Variants in SETD3 observed in about 807,000 individuals in gnomAD.
The protein encoded by SETD3 is actin-histidine N-methyltransferase.
In SETD3, 19 loss-of-function variants were observed where a neutral mutation model predicts 63.0. That is an observed-to-expected ratio of 0.30 (90% CI 0.21 to 0.44). The LOEUF is 0.44. SETD3 is among the 20% of genes least tolerant of loss of function. The pLI is 1.00. For synonymous variants in SETD3, 286 were observed against 264.1 expected (o/e 1.08, Z -0.80); for missense variants, 587 against 728.5 (o/e 0.81, Z 2.24).
intron 6 of SETD3, among the ~76,000 whole-genome samples, chr14:99,425,436 C>T (rs1298017992): frequency 6.6e-6 from 1 of 152,270 alleles, no homozygotes; most frequent in Non-Finnish European, 1.5e-5. Flanking sequence ...TGCCTGGCAT[C>T]TAGCCCTGCA....
intron 6 of SETD3, among the ~76,000 whole-genome samples, chr14:99,446,996 A>C (rs567621370): frequency 6.7e-6 from 1 of 149,638 alleles, no homozygotes; most frequent in African/African-American, 2.5e-5. Context: ...TTTTTGAGAC[A>C]GAGTCTCACT....
intron 1 of SETD3, among the ~76,000 whole-genome samples, chr14:99,479,207 G>A (rs925601378): frequency 2.0e-5 from 3 of 152,188 alleles, no homozygotes; most frequent in Non-Finnish European, 4.4e-5. Flanking sequence ...ACAGGAAAGG[G>A]GTAGCAGAAG....
chr14:99,427,669 C>T (rs184307897), intron 6 of SETD3, among the ~76,000 whole-genome samples: 1 of 152,288 alleles, frequency 6.6e-6, no homozygotes, highest in East Asian at 1.9e-4. Flanking sequence ...AAGCTTCGTC[C>T]GTCAACTCCC....
intron 6 of SETD3, among the ~76,000 whole-genome samples, chr14:99,441,126 A>C (rs1893786187): frequency 1.3e-5 from 2 of 152,266 alleles, no homozygotes; most frequent in African/African-American, 4.8e-5. Flanking sequence ...AAAAGTGTCT[A>C]ACAGGGACCT....
chr14:99,442,664 A>G (rs1050043783), intron 6 of SETD3, among the ~76,000 whole-genome samples: 19 of 152,198 alleles, frequency 1.2e-4, no homozygotes, highest in African/African-American at 4.6e-4. Flanking sequence ...TCTTTTCTCC[A>G]GCTTACTTTA....
In SETD3 at chr14:99,464,805, T is replaced by C. The variant is rs370796095; in HGVS notation, c.103+898A>G. 2.1e-4 allele frequency among the ~76,000 whole-genome samples: 32 copies of C among 152,328 alleles called. No homozygotes were observed. The South Asian group carries it at 5.6e-3, about 27-fold the overall frequency. On this transcript the variant is annotated intron_variant, in intron 2 of 12. Coordinates refer to ENST00000331768, the MANE Select transcript of SETD3 (RefSeq NM_032233.3). Reference sequence around the variant, plus strand: ...AACAAGTAGAGGCACTTAATAGATATTTCACTTCCTTAAACTAAGAACTCT... The same window carrying C: ...AACAAGTAGAGGCACTTAATAGATACTTCACTTCCTTAAACTAAGAACTCT...
intron 6 of SETD3, among the ~76,000 whole-genome samples, chr14:99,426,822 G>A (rs979418952): frequency 2.0e-5 from 3 of 152,148 alleles, no homozygotes; most frequent in Non-Finnish European, 2.9e-5. Context: ...CAAGTTCCCA[G>A]GTTCAGTTCC....
Position 99,413,005 on chromosome 14 carries a change from G to A in SETD3, c.795C>T (p.Arg265=), listed in dbSNP as rs754312091. The part of the protein sequence containing the change: ...QNQIPTEDGS[R]VTLALIPLWD... The stretch of plus-strand genomic sequence containing the variant: ...ATAAAGGAATCAGAGCCAGGGTCAC[G>A]CGGGAACCATCCTCTGTGGGAATTT... The change falls in exon 8 of 13, where the codon CGC becomes CGT. Residue 265 remains arginine, a synonymous_variant. Transcript: ENST00000331768. The A allele has an allele frequency of 1.7e-5, 27 of 1,613,948 alleles. No homozygotes were observed. The highest frequency in any genetic ancestry group is 8.8e-5 in the South Asian group (8 of 91,090).
At chr14:99,438,669 T>G (rs1893623439) in intron 6 of SETD3, among the ~76,000 whole-genome samples, 1 of 152,244 alleles carries the variant, frequency 6.6e-6, no homozygotes, top group African/African-American at 2.4e-5. Flanking sequence ...AGTAGTCTTA[T>G]GGCCTCCAAA....
At chr14:99,414,265 A>G (rs769173632) in intron 6 of SETD3, among the ~76,000 whole-genome samples, 3 of 152,276 alleles carry the variant, frequency 2.0e-5, no homozygotes, top group Non-Finnish European at 2.9e-5. Flanking sequence ...GGATCTAAGC[A>G]GAAACGCAGA....
Position 99,398,567 on chromosome 14 carries a change from A to T in SETD3, c.*112T>A. 9.6e-7 allele frequency: 1 copy of T among 1,036,774 alleles called. No homozygotes were observed. The highest frequency in any genetic ancestry group is 1.7e-5 in the South Asian group (1 of 57,380). The allele number at this position is 1,036,774 out of a possible 1,614,324, so 64.2% of individuals were successfully genotyped here. Reference sequence around the variant, plus strand: ...ACCATTTTTATATAAAGCAGCAAAAACATATCTTCCTCTCTGCAGAAAGAA... The same window carrying T: ...ACCATTTTTATATAAAGCAGCAAAATCATATCTTCCTCTCTGCAGAAAGAA... On this transcript the variant is annotated 3_prime_UTR_variant, in exon 13 of 13. Transcript: ENST00000331768.
chr14:99,435,347 T>C lies in SETD3; in HGVS notation c.676-21413A>G, dbSNP rs1045642806. Among the ~76,000 whole-genome samples, 4 of 152,200 alleles carry C rather than the reference T, an allele frequency of 2.6e-5. No homozygotes were observed. The South Asian group carries it at 6.2e-4, about 24-fold the overall frequency. On this transcript the variant is annotated intron_variant, in intron 6 of 12. Coordinates refer to ENST00000331768, the MANE Select transcript of SETD3 (RefSeq NM_032233.3). ...CCTAGAATTTTGGTAGTTAATCCTA[T>C]GCTGACTGATAAAATCCTTTGTTGT...
intron 11 of SETD3, among the ~76,000 whole-genome samples, chr14:99,403,842 C>A (rs562610080): frequency 2.0e-5 from 3 of 152,198 alleles, no homozygotes; most frequent in Admixed American, 2.0e-4. Flanking sequence ...GCTGACTACA[C>A]AACATCACAG....
chr14:99,405,471 A>T, intron 9 of SETD3, 100 bp from the exon 10 acceptor site: 1 of 1,259,478 alleles, frequency 7.9e-7, no homozygotes, highest in Non-Finnish European at 1.1e-6. Flanking sequence ...TTACATTTAG[A>T]CACTAAATAG....
intron 6 of SETD3, among the ~76,000 whole-genome samples, chr14:99,433,380 T>C (rs1399659956): frequency 6.6e-6 from 1 of 152,154 alleles, no homozygotes; most frequent in East Asian, 1.9e-4. Flanking sequence ...ATAATTTTTA[T>C]ATTAATTACA....
In SETD3 at chr14:99,403,453, A is replaced by ACTCTCTCT. The variant is rs1188702914; in HGVS notation, c.1177+771_1177+772insAGAGAGAG. 2.4e-3 allele frequency among the ~76,000 whole-genome samples: 259 copies of ACTCTCTCT among 106,138 alleles called. 1 individual carries two copies. The highest frequency in any genetic ancestry group is 7.9e-3 in the South Asian group (20 of 2,528). The allele number at this position is 106,138 out of a possible 152,430, so 69.6% of individuals were successfully genotyped here. A position where few individuals can be genotyped will look rare whatever the true frequency, so the allele number is the denominator to read the frequency against. ...CATACACACACACACACACACACAC[A>ACTCTCTCT]CACTCTCTCTCTCTCTCTCTCTCTC... On this transcript the variant is annotated intron_variant, in intron 11 of 12. Coordinates refer to ENST00000331768, the MANE Select transcript of SETD3 (RefSeq NM_032233.3).
intron 6 of SETD3, among the ~76,000 whole-genome samples, chr14:99,419,433 A>C (rs1164312764): frequency 6.6e-6 from 1 of 152,226 alleles, no homozygotes; most frequent in African/African-American, 2.4e-5. Context: ...ACATCCAGTT[A>C]AATTTAATTA....
rs553077044 is a variant in SETD3 at position 99,436,265 on chromosome 14, C to T, written c.675+22014G>A. On this transcript the variant is annotated intron_variant, in intron 6 of 12. Coordinates refer to ENST00000331768, the MANE Select transcript of SETD3 (RefSeq NM_032233.3). ...CCTAACCAGATCACCACCGTACTTC[C>T]GCCTTCCAAGTGACTCCCGGGAAAG... 3.3e-5 allele frequency among the ~76,000 whole-genome samples: 5 copies of T among 152,252 alleles called. No homozygotes were observed. The South Asian group carries it at 1.0e-3, about 32-fold the overall frequency.
intron 6 of SETD3, among the ~76,000 whole-genome samples, chr14:99,419,178 T>C (rs1194825494): frequency 6.6e-6 from 1 of 152,242 alleles, no homozygotes; most frequent in African/African-American, 2.4e-5. Flanking sequence ...TTTTTCATCA[T>C]AAAGTTCTTT....
Sources: gnomAD v4.1 joint callset for allele counts (sites outside exome capture counted in the v4.1 genomes callset) on GRCh38, gnomAD v4.1.1 for gene constraint, MANE v1.5 for transcripts, NCBI Gene and HGNC (gene_info 2026-07-23, HGNC 2026-07-21) for gene names.